BANP: variants seen among roughly 807,000 people sequenced by gnomAD.
BANP encodes the protein protein BANP.
A neutral mutation model predicts 68.1 loss-of-function variants in BANP; 11 were observed. The observed-to-expected ratio is 0.16, with a 90% CI of 0.10 to 0.27. The LOEUF (loss-of-function observed/expected upper bound fraction) is 0.27, where lower values mean the gene tolerates loss of function less well. Ranked by LOEUF, BANP falls within the 10% of genes least tolerant of loss-of-function variation. BANP has a pLI of 1.00. For missense variants in BANP, 504 were observed against 722.7 expected, an observed-to-expected ratio of 0.70 and a Z score of 3.47; for synonymous variants, 329 against 303.2, an observed-to-expected ratio of 1.09 and a Z score of -0.88.
chr16:87,998,513 A>G (rs1288987711), intron 4 of BANP, among the ~76,000 whole-genome samples: 4 of 152,150 alleles, frequency 2.6e-5, no homozygotes, highest in African/African-American at 7.2e-5. Flanking sequence ...CTGAGGCTCC[A>G]TGGCCTGCTT....
At chr16:87,974,512 G>A (rs2061672702) in intron 1 of BANP, among the ~76,000 whole-genome samples, 1 of 152,238 alleles carries the variant, frequency 6.6e-6, no homozygotes, top group South Asian at 2.1e-4. Context: ...CGCCGGGCCT[G>A]TGGGGTAGCA....
chr16:88,034,275 G>A (rs1305883512), intron 9 of BANP, among the ~76,000 whole-genome samples: 1 of 152,164 alleles, frequency 6.6e-6, no homozygotes, highest in African/African-American at 2.4e-5. Flanking sequence ...CTCTCATCTT[G>A]TTAGTAAGAA....
At chr16:88,022,113 T>C (rs1451022710) in intron 7 of BANP, among the ~76,000 whole-genome samples, 1 of 152,212 alleles carries the variant, frequency 6.6e-6, no homozygotes, top group Non-Finnish European at 1.5e-5. Context: ...AAAAGTAGCA[T>C]ATTATTGCAA....
chr16:87,975,192 A>G lies in BANP; in HGVS notation c.70+7A>G. The G allele has an allele frequency of 6.2e-7, 1 of 1,613,662 alleles. No homozygotes were observed. The highest frequency in any genetic ancestry group is 8.5e-7 in the Non-Finnish European group (1 of 1,179,526). On this transcript the variant is annotated splice_region_variant and intron_variant, in intron 2 of 13. Coordinates refer to ENST00000682872, the MANE Select transcript of BANP (RefSeq NM_001386991.1). ...CTGAGCCCTGACCACCCAGGTACAGAGCTGTGGGACAGTAGGTGAAATATT... is the reference window on the plus strand; with the variant it reads ...CTGAGCCCTGACCACCCAGGTACAGGGCTGTGGGACAGTAGGTGAAATATT...
intron 4 of BANP, among the ~76,000 whole-genome samples, chr16:87,989,648 G>A (rs1293794432): frequency 2.8e-5 from 3 of 105,806 alleles, no homozygotes; most frequent in African/African-American, 4.0e-5. Flanking sequence ...GACACAGGGC[G>A]GGTGATGGGG....
At chr16:87,961,317 CATTTT>C (rs922426223) in intron 1 of BANP, among the ~76,000 whole-genome samples, 10 of 151,346 alleles carry the variant, frequency 6.6e-5, no homozygotes, top group African/African-American at 2.4e-4. Flanking sequence ...TGTAAGGCTG[CATTTT>C]ATTTTATTTT....
At chr16:88,067,382 C>A (rs890496325) in intron 12 of BANP, among the ~76,000 whole-genome samples, 1 of 152,096 alleles carries the variant, frequency 6.6e-6, no homozygotes, top group East Asian at 1.9e-4. Flanking sequence ...ACATCTGCGC[C>A]GGGGCCTCCC....
intron 1 of BANP, among the ~76,000 whole-genome samples, chr16:87,954,026 G>T (rs554760005): frequency 6.6e-6 from 1 of 152,246 alleles, no homozygotes; most frequent in South Asian, 2.1e-4. Flanking sequence ...CTACGCCGGG[G>T]ACTCTGACTC....
At chr16:88,016,940 T>C (rs1444987931) in intron 6 of BANP, among the ~76,000 whole-genome samples, 1 of 152,218 alleles carries the variant, frequency 6.6e-6, no homozygotes, top group East Asian at 1.9e-4. Flanking sequence ...GGCCTGCCCC[T>C]GTGACAATGT....
At chr16:87,950,267 C>G (rs183774004), upstream of BANP, among the ~76,000 whole-genome samples, 319 of 152,172 alleles carry the variant, frequency 2.1e-3, no homozygotes, top group African/African-American at 7.5e-3. Flanking sequence ...ATTGAGGAAA[C>G]AGAGGCGAGT....
intron 11 of BANP, among the ~76,000 whole-genome samples, chr16:88,042,023 CAGT>C (rs769151003): frequency 3.9e-5 from 6 of 152,142 alleles, no homozygotes; most frequent in East Asian, 1.9e-4. Context: ...GTGAGAGACA[CAGT>C]AGGAGGGGTC....
chr16:88,019,385 G>A (rs2075355204), intron 7 of BANP, among the ~76,000 whole-genome samples: 1 of 152,062 alleles, frequency 6.6e-6, no homozygotes, highest in African/African-American at 2.4e-5. Flanking sequence ...AAACGCAAGA[G>A]ACACGAGGCC....
chr16:88,063,813 T>G (rs1373642455), intron 11 of BANP, among the ~76,000 whole-genome samples: 1 of 152,174 alleles, frequency 6.6e-6, no homozygotes, highest in African/African-American at 2.4e-5. Flanking sequence ...AATTACAGTG[T>G]CAGAAACCTC....
chr16:88,040,657 A>G (rs1297394427), intron 11 of BANP, among the ~76,000 whole-genome samples: 1 of 152,178 alleles, frequency 6.6e-6, no homozygotes, highest in African/African-American at 2.4e-5. Flanking sequence ...CTCCAGCCAG[A>G]CTTGATCTCA....
At position 88,076,548 on chromosome 16, in the gene BANP, T is replaced by C. The variant is rs533795101; in HGVS notation, c.1522-42T>C. The C allele has an allele frequency of 3.2e-5, 50 of 1,579,440 alleles. No individual in the cohort carries two copies. In the East Asian group the frequency reaches 1.0e-3, roughly 33 times the overall value. ...ATGACACCCCCTGGCCATGCAGTGC[T>C]GGGTATTTTTCTAGAAAGTCCCTCC... On this transcript the variant is annotated intron_variant, in intron 13 of 13. Transcript: ENST00000682872.
At chr16:88,037,658 C>G (rs1567833825) in intron 10 of BANP, 3 of 388,272 alleles carry the variant, frequency 7.7e-6, no homozygotes, top group Non-Finnish European at 9.6e-6. Flanking sequence ...CTGCTACTTT[C>G]TGTACTTTTT....
intron 1 of BANP, 81 bp from the exon 2 acceptor site, chr16:87,974,967 C>T (rs112555933): frequency 1.6e-5 from 11 of 673,740 alleles, no homozygotes; most frequent in Admixed American, 2.4e-5. Context: ...CTTGCATACA[C>T]GTGCTCGGCT....
chr16:88,005,105 G>C (rs543365657), intron 5 of BANP, among the ~76,000 whole-genome samples: 4 of 152,162 alleles, frequency 2.6e-5, no homozygotes, highest in Non-Finnish European at 4.4e-5. Flanking sequence ...TCCCCTTTCT[G>C]TATTGTCTTA....
At chr16:88,051,312 G>A (rs1398778088) in intron 11 of BANP, among the ~76,000 whole-genome samples, 2 of 152,256 alleles carry the variant, frequency 1.3e-5, no homozygotes, top group Non-Finnish European at 2.9e-5. Context: ...GGTGTGGGGC[G>A]GCCTGCAGGG....
Sources: allele counts gnomAD v4.1 joint callset (sites outside exome capture counted in the v4.1 genomes callset), GRCh38; gene constraint gnomAD v4.1.1; transcripts MANE v1.5; gene names NCBI Gene and HGNC (gene_info 2026-07-23, HGNC 2026-07-21).